The following ROBO2 variants were observed in gnomAD, a reference collection of about 807,000 sequenced individuals.
ROBO2 encodes roundabout homolog 2.
Under a neutral mutation model 160.8 loss-of-function variants are expected in ROBO2, and 53 were observed. The ratio of observed to expected loss-of-function variants is 0.33; its 90% confidence interval spans 0.26 to 0.41. ROBO2 has a LOEUF of 0.41. Among genes scored for constraint, ROBO2 ranks in the 10% least tolerant of loss-of-function variants. The pLI is 1.00. For missense variants in ROBO2, 1,577 were observed against 1,722.4 expected (o/e 0.92, Z 1.49); for synonymous variants, 664 against 611.7 (o/e 1.09, Z -1.26).
At position 77,087,705 on chromosome 3, in the gene ROBO2, CACACATATATACATGT is replaced by C. The variant is rs201787079; in HGVS notation, c.62-10294_62-10279del. On this transcript the variant is annotated intron_variant, in intron 1 of 25. Coordinates refer to ENST00000461745, the Ensembl canonical transcript of ROBO2. ...ACATGTGTGTGTATATACAGATATACACACATATATACATGTACACATATATACATATATGTGTGTG... is the reference window on the plus strand; with the variant it reads ...ACATGTGTGTGTATATACAGATATACACACATATATACATATATGTGTGTG... 2.2e-3 allele frequency among the ~76,000 whole-genome samples: 326 copies of C among 151,616 alleles called. 1 individual carries two copies. Among genetic ancestry groups the C allele is most frequent in the African/African-American group, 7.3e-3 (302 of 41,322 alleles).
intron 1 of ROBO2, among the ~76,000 whole-genome samples, chr3:77,059,733 G>C (rs939004405): frequency 6.6e-6 from 1 of 151,980 alleles, no homozygotes; most frequent in African/African-American, 2.4e-5. Context: ...CAAAGTTTGG[G>C]CATAAGCATC....
At chr3:76,519,354 A>T (rs2107852712) in intron 2 of ROBO2, among the ~76,000 whole-genome samples, 1 of 152,304 alleles carries the variant, frequency 6.6e-6, no homozygotes, top group South Asian at 2.1e-4. Flanking sequence ...AGCTGAAAAT[A>T]TTTACAAAAG....
At chr3:77,152,033 A>C (rs1005499751) in intron 2 of ROBO2, among the ~76,000 whole-genome samples, 3 of 152,148 alleles carry the variant, frequency 2.0e-5, no homozygotes, top group Non-Finnish European at 4.4e-5. Flanking sequence ...CATTTTTAAC[A>C]ATCTCCTGCT....
intron 2 of ROBO2, among the ~76,000 whole-genome samples, chr3:76,514,496 C>G (rs1317378522): frequency 2.0e-5 from 3 of 152,028 alleles, no homozygotes; most frequent in Non-Finnish European, 2.9e-5. Context: ...TTATCCCAAT[C>G]AATATTCAAT....
intron 2 of ROBO2, among the ~76,000 whole-genome samples, chr3:76,045,334 A>C (rs2067413767): frequency 6.6e-6 from 1 of 151,938 alleles, no homozygotes; most frequent in Non-Finnish European, 1.5e-5. Context: ...GTGTTTTACT[A>C]CTTTCTCACA....
intron 2 of ROBO2, among the ~76,000 whole-genome samples, chr3:76,090,028 C>T (rs1028573651): frequency 1.9e-4 from 29 of 151,998 alleles, no homozygotes; most frequent in African/African-American, 7.3e-5. Flanking sequence ...TACATATTAG[C>T]GATGAACAAG....
At chr3:76,724,996 T>G (rs1266000642) in intron 2 of ROBO2, among the ~76,000 whole-genome samples, 1 of 152,096 alleles carries the variant, frequency 6.6e-6, no homozygotes, top group Non-Finnish European at 1.5e-5. Context: ...GCAAGCAGCA[T>G]GTTTTTCCCT....
intron 2 of ROBO2, among the ~76,000 whole-genome samples, chr3:76,897,712 C>CT (rs11298034): frequency 0.22 from 31,348 of 145,318 alleles, 3,359 homozygotes; most frequent in South Asian, 0.26. Flanking sequence ...GTGGCCCTCA[C>CT]TTTTTTTTTT....
At chr3:76,994,542 C>T (rs541133985) in intron 2 of ROBO2, among the ~76,000 whole-genome samples, 24 of 152,264 alleles carry the variant, frequency 1.6e-4, no homozygotes, top group African/African-American at 5.8e-4. Flanking sequence ...TCTCTGAAAT[C>T]ATAATCAGAA....
At chr3:76,908,290 A>C (rs2075752738) in intron 2 of ROBO2, among the ~76,000 whole-genome samples, 1 of 152,222 alleles carries the variant, frequency 6.6e-6, no homozygotes, top group South Asian at 2.1e-4. Flanking sequence ...TATGGAAAAG[A>C]ATCAGCACTA....
chr3:76,055,640 G>A (rs543812102), intron 2 of ROBO2, among the ~76,000 whole-genome samples: 5 of 152,218 alleles, frequency 3.3e-5, no homozygotes, highest in Non-Finnish European at 7.4e-5. Flanking sequence ...ATAGCCTCCA[G>A]CTCCATCCAC....
chr3:75,954,734 A>G (rs111321465), intron 2 of ROBO2, among the ~76,000 whole-genome samples: 73 of 151,974 alleles, frequency 4.8e-4, no homozygotes, highest in African/African-American at 1.7e-3. Flanking sequence ...GAAAACTATG[A>G]AACAGGAACT....
intron 1 of ROBO2, among the ~76,000 whole-genome samples, chr3:75,936,107 T>A (rs1281294607): frequency 6.6e-6 from 1 of 152,218 alleles, no homozygotes; most frequent in Non-Finnish European, 1.5e-5. Context: ...AATTCTGTTT[T>A]TACATATGAA....
chr3:76,089,449 T>G (rs1004877164), intron 2 of ROBO2, among the ~76,000 whole-genome samples: 2 of 152,026 alleles, frequency 1.3e-5, no homozygotes, highest in Non-Finnish European at 2.9e-5. Flanking sequence ...TATTAGCAAA[T>G]TAAATTGAAC....
At chr3:76,309,443 A>C (rs2071473342) in intron 2 of ROBO2, among the ~76,000 whole-genome samples, 1 of 152,190 alleles carries the variant, frequency 6.6e-6, no homozygotes, top group African/African-American at 2.4e-5. Flanking sequence ...TATTTTGTGT[A>C]TTCCATTAAT....
intron 2 of ROBO2, among the ~76,000 whole-genome samples, chr3:77,448,677 TG>T (rs1435348661): frequency 6.6e-6 from 1 of 151,744 alleles, no homozygotes; most frequent in Non-Finnish European, 1.5e-5. Context: ...TGAATCGAAA[TG>T]AAGTAAGTAG....
At chr3:77,138,874 T>C (rs1048819789) in intron 2 of ROBO2, among the ~76,000 whole-genome samples, 3 of 151,916 alleles carry the variant, frequency 2.0e-5, no homozygotes, top group African/African-American at 7.3e-5. Context: ...AACATCCTCA[T>C]GAATATGAGA....
intron 2 of ROBO2, among the ~76,000 whole-genome samples, chr3:77,377,893 A>G (rs2153483057): frequency 6.6e-6 from 1 of 152,336 alleles, no homozygotes; most frequent in East Asian, 1.9e-4. Flanking sequence ...CAAACAGAGC[A>G]GTTCAGAACT....
intron 2 of ROBO2, among the ~76,000 whole-genome samples, chr3:76,644,992 C>A (rs1253430469): frequency 6.6e-6 from 1 of 152,116 alleles, no homozygotes; most frequent in Admixed American, 6.6e-5. Context: ...ATTTTAAGGG[C>A]ACAATGCCAG....
Sources: allele counts gnomAD v4.1 joint callset (sites outside exome capture counted in the v4.1 genomes callset), GRCh38; gene constraint gnomAD v4.1.1; transcripts MANE v1.5; gene names NCBI Gene and HGNC (gene_info 2026-07-23, HGNC 2026-07-21).